DNAH9: variants seen among roughly 807,000 people sequenced by gnomAD.
DNAH9 encodes the protein DNAH9 variant protein.
In DNAH9, 345 loss-of-function variants were observed where a neutral mutation model predicts 471.6. The observed-to-expected ratio is 0.73, with a 90% CI of 0.67 to 0.80. DNAH9 has a LOEUF of 0.80. Ranked by LOEUF, DNAH9 falls within the 30% of genes least tolerant of loss-of-function variation. The pLI is 0.00. For synonymous variants in DNAH9, 2,093 were observed against 2,123.6 expected, an observed-to-expected ratio of 0.99 and a Z score of 0.40; for missense variants, 5,407 against 5,609.2, an observed-to-expected ratio of 0.96 and a Z score of 1.15.
intron 14 of DNAH9, among the ~76,000 whole-genome samples, chr17:11,658,489 A>G (rs1176190904): frequency 6.6e-6 from 1 of 151,960 alleles, no homozygotes; most frequent in Non-Finnish European, 1.5e-5. Context: ...CCAATTTTTT[A>G]TGTCTTTTTT....
At chr17:11,610,306 G>T in intron 2 of DNAH9, 90 bp from the exon 3 acceptor site, 2 of 1,008,628 alleles carry the variant, frequency 2.0e-6, no homozygotes, top group Non-Finnish European at 2.8e-6. Flanking sequence ...TTAAATTTGG[G>T]ATTCTGTCTT....
Position 11,598,799 on chromosome 17 carries a change from C to CTT in DNAH9, c.307_308dup (p.Leu104SerfsTer31). The CTT allele has an allele frequency of 1.4e-6, 2 of 1,479,804 alleles. No homozygotes were observed. The highest frequency in any genetic ancestry group is 1.3e-5 in the South Asian group (1 of 79,678). 91.7% of individuals were successfully genotyped at this position (1,479,804 alleles called of 1,614,324 possible). On this transcript the variant is annotated frameshift_variant, in exon 1 of 69. Transcript: ENST00000262442. LOFTEE classifies it high-confidence loss of function. The stretch of plus-strand genomic sequence containing the variant: ...GTCGGGCCTGGCTGGCGCTAAGGCG[C>CTT]TTTTTTTCCTTCGCACCGGGCCCGA...
chr17:11,662,998 G>A (rs546960584), intron 14 of DNAH9, among the ~76,000 whole-genome samples: 86 of 151,570 alleles, frequency 5.7e-4, no homozygotes, highest in East Asian at 2.4e-3. Flanking sequence ...CTCGTGATCC[G>A]CCCGCCTCGG....
At chr17:11,599,869 T>C (rs990975407) in intron 1 of DNAH9, among the ~76,000 whole-genome samples, 8 of 152,198 alleles carry the variant, frequency 5.3e-5, no homozygotes, top group African/African-American at 1.9e-4. Flanking sequence ...CATGAAATGC[T>C]TACTCCAAGG....
At chr17:11,679,368 A>G (rs893957824) in intron 17 of DNAH9, among the ~76,000 whole-genome samples, 1 of 152,234 alleles carries the variant, frequency 6.6e-6, no homozygotes, top group Non-Finnish European at 1.5e-5. Context: ...CATGTTATCC[A>G]GTTCATAAAT....
chr17:11,612,134 C>T (rs1352059476), intron 4 of DNAH9: 2 of 542,858 alleles, frequency 3.7e-6, no homozygotes, highest in African/African-American at 3.8e-5. Flanking sequence ...CTGGAGCTGT[C>T]CCTTTGTGTC....
At chr17:11,766,729 C>T (rs764162281) in intron 36 of DNAH9, among the ~76,000 whole-genome samples, 7 of 152,118 alleles carry the variant, frequency 4.6e-5, no homozygotes, top group Non-Finnish European at 8.8e-5. Flanking sequence ...CTTTGGGAGG[C>T]CAAGGCGGGT....
intron 57 of DNAH9, among the ~76,000 whole-genome samples, chr17:11,888,775 A>C (rs1446113550): frequency 6.6e-6 from 1 of 152,200 alleles, no homozygotes; most frequent in Non-Finnish European, 1.5e-5. Context: ...TTGAAGAAAA[A>C]TGGGCCACTG....
chr17:11,683,243 G>A (rs1167696970), intron 19 of DNAH9, among the ~76,000 whole-genome samples: 3 of 152,036 alleles, frequency 2.0e-5, no homozygotes, highest in Non-Finnish European at 4.4e-5. Flanking sequence ...GCACGATCTC[G>A]GCTCACTGCA....
Position 11,694,825 on chromosome 17 carries a change from TTTCTTTCTTTCTTTCCTTCCTTCC to T in DNAH9, c.4872+382_4872+405del, listed in dbSNP as rs2074434297. On this transcript the variant is annotated intron_variant, in intron 22 of 68. Coordinates refer to ENST00000262442, the MANE Select transcript of DNAH9 (RefSeq NM_001372.4). ...CTTTCTTTCTTTCTTTCTTTCTTTC[TTTCTTTCTTTCTTTCCTTCCTTCC>T]TTCCTTCCTTCCTTCCTTCCTTCTT... is the stretch of plus-strand genomic sequence containing the variant. Among the ~76,000 whole-genome samples the T allele has an allele frequency of 3.0e-3, 5 of 1,676 alleles. 2 individuals carry two copies. In the South Asian group the frequency reaches 0.11, roughly 38 times the overall value. The allele number at this position is 1,676 out of a possible 152,430, so 1.1% of individuals were successfully genotyped here.
At chr17:11,914,862 G>A (rs890116779) in intron 61 of DNAH9, among the ~76,000 whole-genome samples, 7 of 152,138 alleles carry the variant, frequency 4.6e-5, no homozygotes, top group African/African-American at 1.7e-4. Context: ...GTCATTTCAA[G>A]TGGAAGAGTC....
chr17:11,931,934 C>A, intron 63 of DNAH9, 80 bp from the exon 64 acceptor site: 1 of 1,501,826 alleles, frequency 6.7e-7, no homozygotes, highest in Non-Finnish European at 9.1e-7. Flanking sequence ...CCAACACGAA[C>A]CCTGATTGTA....
At chr17:11,856,147 C>T (rs1308932970) in intron 50 of DNAH9, among the ~76,000 whole-genome samples, 1 of 152,210 alleles carries the variant, frequency 6.6e-6, no homozygotes, top group African/African-American at 2.4e-5. Context: ...CATCCAACCT[C>T]TTGCATGGAC....
intron 43 of DNAH9, among the ~76,000 whole-genome samples, chr17:11,799,389 C>T (rs868298849): frequency 1.9e-4 from 29 of 152,048 alleles, no homozygotes; most frequent in African/African-American, 6.5e-4. Flanking sequence ...CTTTTTGAGA[C>T]GGAGTCTCAC....
chr17:11,630,042 G>C (rs541510915), intron 7 of DNAH9: 1 of 154,788 alleles, frequency 6.5e-6, no homozygotes, highest in Non-Finnish European at 1.4e-5. Context: ...GGGGGAGAGG[G>C]AAATGGGGAG....
intron 48 of DNAH9, among the ~76,000 whole-genome samples, chr17:11,827,561 A>G (rs1348699447): frequency 6.6e-6 from 1 of 152,152 alleles, no homozygotes; most frequent in Non-Finnish European, 1.5e-5. Flanking sequence ...ATATACCTCT[A>G]TGTTTCAGTC....
chr17:11,895,452 AT>A (rs1973191287), intron 59 of DNAH9, among the ~76,000 whole-genome samples: 1 of 152,222 alleles, frequency 6.6e-6, no homozygotes, highest in Non-Finnish European at 1.5e-5. Flanking sequence ...AAGTAATATG[AT>A]TGGCTTTCTT....
rs931560765 is a variant in DNAH9 at position 11,769,032 on chromosome 17, C to A, written c.7345-90C>A. On this transcript the variant is annotated intron_variant, in intron 37 of 68. Transcript: ENST00000262442. ...TTGGGGAGCTCCATCGTGACGGAAT[C>A]CCCTGTTCTGAAATGCTTCGGAACG... is the stretch of plus-strand genomic sequence containing the variant. 3.0e-6 allele frequency: 4 copies of A among 1,350,464 alleles called. No individual in the cohort carries two copies. The African/African-American group carries it at 5.7e-5, about 19-fold the overall frequency. The allele number at this position is 1,350,464 out of a possible 1,614,324, so 83.7% of individuals were successfully genotyped here.
intron 66 of DNAH9, among the ~76,000 whole-genome samples, chr17:11,939,477 C>T (rs1258205906): frequency 1.3e-5 from 2 of 152,148 alleles, no homozygotes; most frequent in African/African-American, 4.8e-5. Flanking sequence ...CTGTGTGGGA[C>T]ACGTGTGCAG....
Sources: allele counts gnomAD v4.1 joint callset (sites outside exome capture counted in the v4.1 genomes callset), GRCh38; gene constraint gnomAD v4.1.1; transcripts MANE v1.5; gene names NCBI Gene and HGNC (gene_info 2026-07-23, HGNC 2026-07-21).